SOX5: variants seen among roughly 807,000 people sequenced by gnomAD.
SOX5 encodes transcription factor SOX-5.
In SOX5, 9 loss-of-function variants were observed where a neutral mutation model predicts 92.0. The ratio of observed to expected loss-of-function variants is 0.10; its 90% CI spans 0.06 to 0.17. The LOEUF (loss-of-function observed/expected upper bound fraction) is 0.17. Ranked by LOEUF, SOX5 falls within the 10% of genes least tolerant of loss-of-function variation. The pLI is 1.00. For missense variants in SOX5, 642 were observed against 944.5 expected, an observed-to-expected ratio of 0.68 and a Z score of 4.20; for synonymous variants, 344 against 336.3, an observed-to-expected ratio of 1.02 and a Z score of -0.25.
At chr12:23,971,671 T>C (rs1157161063) in intron 4 of SOX5, among the ~76,000 whole-genome samples, 1 of 151,908 alleles carries the variant, frequency 6.6e-6, no homozygotes, top group Non-Finnish European at 1.5e-5. Flanking sequence ...AAATAATTAT[T>C]TTGAAGAGAA....
At chr12:23,957,182 A>T (rs1404690063) in intron 4 of SOX5, among the ~76,000 whole-genome samples, 1 of 152,210 alleles carries the variant, frequency 6.6e-6, no homozygotes, top group East Asian at 1.9e-4. Flanking sequence ...TTCTACATTC[A>T]TACAGCAATA....
chr12:23,719,858 C>CA (rs2092719768), intron 6 of SOX5, among the ~76,000 whole-genome samples: 1 of 145,232 alleles, frequency 6.9e-6, no homozygotes, highest in Admixed American at 7.0e-5. Flanking sequence ...CCTAAATTCT[C>CA]AGAGAGATGA....
rs994036929 is a variant in SOX5, at chr12:23,833,882, C to T, written c.481+12101G>A. Among the ~76,000 whole-genome samples, 53 of 151,810 alleles carry T rather than the reference C, an allele frequency of 3.5e-4. 2 individuals carry two copies. On this transcript the variant is annotated intron_variant, in intron 3 of 14. Coordinates refer to ENST00000451604, the MANE Select transcript of SOX5 (RefSeq NM_006940.6). Reference sequence around the variant, plus strand: ...AATTGTTTAAAAAGACAAATTACACCTAGTCAGTTTGTAGGGGAGAGTTAG... The same window carrying T: ...AATTGTTTAAAAAGACAAATTACACTTAGTCAGTTTGTAGGGGAGAGTTAG...
chr12:23,661,117 G>C (rs1279191034), intron 7 of SOX5, among the ~76,000 whole-genome samples: 2 of 152,204 alleles, frequency 1.3e-5, no homozygotes, highest in East Asian at 3.9e-4. Flanking sequence ...ATAATTGTTT[G>C]TTTTATACTG....
chr12:23,857,183 T>C (rs1215642175), intron 2 of SOX5, among the ~76,000 whole-genome samples: 3 of 151,984 alleles, frequency 2.0e-5, no homozygotes, highest in Admixed American at 6.6e-5. Flanking sequence ...AAGACTAATA[T>C]AGGAGAGTCA....
At chr12:24,066,590 TAA>T (rs1458578937) in intron 4 of SOX5, among the ~76,000 whole-genome samples, 1 of 152,096 alleles carries the variant, frequency 6.6e-6, no homozygotes, top group Non-Finnish European at 1.5e-5. Flanking sequence ...GGTAAATAAC[TAA>T]AGAGTTATTT....
rs2094763715 is a variant in SOX5, at chr12:23,767,223, CA to C, written c.482-11500del. Among the ~76,000 whole-genome samples the C allele has an allele frequency of 5.4e-5, 7 of 129,048 alleles. No individual in the cohort carries two copies. The East Asian group carries it at 1.2e-3, about 23-fold the overall frequency. The allele number at this position is 129,048 out of a possible 152,430, so 84.7% of individuals were successfully genotyped here. On this transcript the variant is annotated intron_variant, in intron 3 of 14. Coordinates refer to ENST00000451604, the MANE Select transcript of SOX5 (RefSeq NM_006940.6). ...TGTCTCAAAAAAACAGAAACACACA[CA>C]CACACACACACACACACACACACAT...
chr12:24,417,500 G>T (rs1965223960), intron 1 of SOX5, among the ~76,000 whole-genome samples: 1 of 152,024 alleles, frequency 6.6e-6, no homozygotes, highest in Non-Finnish European at 1.5e-5. Context: ...GAGACTCAAG[G>T]GTCTCTACCT....
chr12:24,313,612 T>C (rs1182946221), intron 2 of SOX5, among the ~76,000 whole-genome samples: 1 of 152,222 alleles, frequency 6.6e-6, no homozygotes, highest in African/African-American at 2.4e-5. Flanking sequence ...GATGATGAAC[T>C]GATCACTCGT....
chr12:23,878,086 G>A (rs1314083386), intron 2 of SOX5, among the ~76,000 whole-genome samples: 2 of 151,628 alleles, frequency 1.3e-5, no homozygotes, highest in Non-Finnish European at 2.9e-5. Context: ...TTAGAACTTC[G>A]ATCATTTCAC....
At chr12:24,542,525 G>A (rs1952233177) in intron 1 of SOX5, among the ~76,000 whole-genome samples, 1 of 152,128 alleles carries the variant, frequency 6.6e-6, no homozygotes, top group African/African-American at 2.4e-5. Flanking sequence ...CATTTCTTCT[G>A]CAAAATATAC....
intron 2 of SOX5, among the ~76,000 whole-genome samples, chr12:24,317,468 A>C (rs1030388769): frequency 4.6e-5 from 7 of 152,222 alleles, no homozygotes; most frequent in African/African-American, 1.7e-4. Context: ...ATCTTAAGAC[A>C]GTCTTGGTCT....
At chr12:24,483,414 C>T (rs1946202830) in intron 1 of SOX5, among the ~76,000 whole-genome samples, 1 of 152,208 alleles carries the variant, frequency 6.6e-6, no homozygotes, top group Non-Finnish European at 1.5e-5. Context: ...TTCTCTTTCC[C>T]TTTAATTCAC....
chr12:24,406,737 A>T (rs557932547), intron 1 of SOX5, among the ~76,000 whole-genome samples: 39 of 151,714 alleles, frequency 2.6e-4, no homozygotes, highest in African/African-American at 4.6e-4. Context: ...ACTTTTTTTT[A>T]AAATCTAAGA....
chr12:24,107,805 C>G (rs1211875414), intron 4 of SOX5, among the ~76,000 whole-genome samples: 2 of 152,180 alleles, frequency 1.3e-5, no homozygotes, highest in East Asian at 1.9e-4. Flanking sequence ...TTACCTGCAT[C>G]TGTTCCTTAA....
chr12:23,631,261 T>C, intron 8 of SOX5, among the ~76,000 whole-genome samples: 1 of 152,068 alleles, frequency 6.6e-6, no homozygotes, highest in East Asian at 1.9e-4. Context: ...ACTCCGAAGA[T>C]TGAATTTGTC....
intron 4 of SOX5, among the ~76,000 whole-genome samples, chr12:24,084,413 T>C (rs1238060082): frequency 1.3e-5 from 2 of 152,078 alleles, no homozygotes; most frequent in African/African-American, 4.8e-5. Flanking sequence ...AGCTTCAAAA[T>C]AGATTTCATA....
intron 3 of SOX5, among the ~76,000 whole-genome samples, chr12:24,219,802 A>G (rs951418288): frequency 3.3e-5 from 5 of 152,130 alleles, no homozygotes; most frequent in Non-Finnish European, 7.4e-5. Context: ...CCAACCATTC[A>G]TCTGTTCATT....
At chr12:24,479,206 A>G (rs1945710581) in intron 1 of SOX5, among the ~76,000 whole-genome samples, 1 of 152,148 alleles carries the variant, frequency 6.6e-6, no homozygotes, top group African/African-American at 2.4e-5. Context: ...TGTAATTCAA[A>G]TGCCAACTCC....
Sources: allele counts gnomAD v4.1 joint callset (sites outside exome capture counted in the v4.1 genomes callset), GRCh38; gene constraint gnomAD v4.1.1; transcripts MANE v1.5; gene names NCBI Gene and HGNC (gene_info 2026-07-23, HGNC 2026-07-21).